Variants in MYO6 observed in about 807,000 individuals in gnomAD.
MYO6 encodes the protein unconventional myosin-VI.
In MYO6, 74 loss-of-function variants were observed where a neutral mutation model predicts 178.7. The ratio of observed to expected loss-of-function variants is 0.41; its 90% CI spans 0.34 to 0.50. MYO6 has a LOEUF of 0.50. MYO6 is among the 20% of genes least tolerant of loss of function. The pLI is 0.09. For synonymous variants in MYO6, 477 were observed against 504.6 expected, an observed-to-expected ratio of 0.95 and a Z score of 0.73; for missense variants, 1,330 against 1,547.4, an observed-to-expected ratio of 0.86 and a Z score of 2.36.
chr6:75,811,285 A>G (rs1369769481), intron 1 of MYO6, among the ~76,000 whole-genome samples: 1 of 152,150 alleles, frequency 6.6e-6, no homozygotes, highest in Non-Finnish European at 1.5e-5. Flanking sequence ...ATTCTGTAGT[A>G]TAATTTGGGT....
At chr6:75,907,835 T>G (rs1780458407) in intron 31 of MYO6, 127 bp downstream of exon 31, 4 of 724,822 alleles carry the variant, frequency 5.5e-6, no homozygotes, top group Non-Finnish European at 9.7e-6. Flanking sequence ...TATGTACATA[T>G]AATACCTATA....
At chr6:75,784,120 T>A (rs1158619880) in intron 1 of MYO6, among the ~76,000 whole-genome samples, 1 of 152,112 alleles carries the variant, frequency 6.6e-6, no homozygotes, top group Non-Finnish European at 1.5e-5. Flanking sequence ...CACAGGCGCA[T>A]GCCACCATGC....
At chr6:75,858,652 G>A (rs1006728829) in intron 13 of MYO6, among the ~76,000 whole-genome samples, 3 of 152,040 alleles carry the variant, frequency 2.0e-5, no homozygotes, top group African/African-American at 7.2e-5. Context: ...ATATCTTTTA[G>A]TATACAACAT....
intron 30 of MYO6, among the ~76,000 whole-genome samples, chr6:75,901,376 T>C (rs1779763568): frequency 6.6e-6 from 1 of 152,264 alleles, no homozygotes; most frequent in African/African-American, 2.4e-5. Context: ...ATCTTCCATT[T>C]GTTTGTATCC....
At position 75,787,122 on chromosome 6, in the gene MYO6, A is replaced by G. The variant is rs1210210306; in HGVS notation, c.-47-30379A>G. ...TTTGTAAAGATGCCTATGCAATGAC[A>G]TAGCACTACACACCCACTAGAAAGG... On this transcript the variant is annotated intron_variant, in intron 1 of 34. Transcript: ENST00000369977. Among the ~76,000 whole-genome samples, 8 of 152,352 alleles carry G rather than the reference A, an allele frequency of 5.3e-5. No individual in the cohort carries two copies. In the South Asian group the frequency reaches 1.7e-3, roughly 32 times the overall value.
intron 30 of MYO6, 34 bp from the exon 31 acceptor site, chr6:75,907,571 G>T: frequency 6.6e-7 from 1 of 1,507,544 alleles, no homozygotes; most frequent in South Asian, 1.1e-5. Flanking sequence ...TCATGTTTCT[G>T]GTTTAAACAT....
intron 29 of MYO6, among the ~76,000 whole-genome samples, chr6:75,896,339 T>C (rs9294004): frequency 0.91 from 138,237 of 152,300 alleles, 62,863 homozygotes; most frequent in Middle Eastern, 0.96. Context: ...TGCATAACTG[T>C]AGTAGAAGAC....
chr6:75,837,005 C>T (rs1227292467), intron 7 of MYO6, among the ~76,000 whole-genome samples: 1 of 152,206 alleles, frequency 6.6e-6, no homozygotes, highest in Non-Finnish European at 1.5e-5. Context: ...TCTGAGCTCA[C>T]CTGGAGTCAT....
intron 20 of MYO6, 124 bp from the exon 21 acceptor site, chr6:75,879,696 A>G (rs13207967): frequency 3.6e-5 from 46 of 1,291,506 alleles, no homozygotes; most frequent in Non-Finnish European, 4.7e-5. Flanking sequence ...TATAATATTT[A>G]GTTGCTGATA....
intron 7 of MYO6, among the ~76,000 whole-genome samples, chr6:75,838,180 G>A (rs931465251): frequency 1.1e-4 from 17 of 151,814 alleles, no homozygotes; most frequent in Admixed American, 1.1e-3. Flanking sequence ...ATCCTACCGA[G>A]TAGCTGGGAT....
intron 25 of MYO6, among the ~76,000 whole-genome samples, chr6:75,888,699 T>C (rs1778662693): frequency 6.6e-6 from 1 of 152,168 alleles, no homozygotes; most frequent in African/African-American, 2.4e-5. Flanking sequence ...TACAGTATAA[T>C]TTTACTTGTT....
intron 1 of MYO6, among the ~76,000 whole-genome samples, chr6:75,778,767 A>C (rs1320481989): frequency 1.3e-5 from 2 of 151,926 alleles, no homozygotes; most frequent in Admixed American, 6.6e-5. Flanking sequence ...ACTTAAAAAA[A>C]AAATGGAGGC....
intron 30 of MYO6, among the ~76,000 whole-genome samples, chr6:75,906,717 A>G (rs1780359346): frequency 6.6e-6 from 1 of 152,094 alleles, no homozygotes; most frequent in African/African-American, 2.4e-5. Context: ...CGCAAAACCA[A>G]AAAAGCAGGC....
chr6:75,853,547 A>G (rs981047557), intron 11 of MYO6, among the ~76,000 whole-genome samples: 2 of 152,122 alleles, frequency 1.3e-5, no homozygotes, highest in African/African-American at 4.8e-5. Flanking sequence ...ATTCTTTTGC[A>G]TGTGGACATC....
At chr6:75,835,986 G>T in intron 7 of MYO6, 30 bp downstream of exon 7, 1 of 1,486,088 alleles carries the variant, frequency 6.7e-7, no homozygotes, top group Non-Finnish European at 9.4e-7. Context: ...TGTTACGCGT[G>T]TACTGAAATT....
chr6:75,850,723 A>G (rs1257049226), intron 11 of MYO6, among the ~76,000 whole-genome samples: 1 of 152,214 alleles, frequency 6.6e-6, no homozygotes, highest in Non-Finnish European at 1.5e-5. Flanking sequence ...TTCGTGTCTT[A>G]GTTTCCTCAC....
intron 1 of MYO6, among the ~76,000 whole-genome samples, chr6:75,777,576 C>T (rs888231575): frequency 1.3e-5 from 2 of 151,778 alleles, no homozygotes; most frequent in Non-Finnish European, 2.9e-5. Flanking sequence ...TACAGGTATG[C>T]GCCACCACAC....
chr6:75,873,940 C>T (rs1376999846), intron 20 of MYO6, among the ~76,000 whole-genome samples: 2 of 152,100 alleles, frequency 1.3e-5, no homozygotes, highest in Admixed American at 6.6e-5. Context: ...TATGCCTTGC[C>T]CATCCTCCCT....
At chr6:75,850,503 CCCTT>C (rs556869785) in intron 11 of MYO6, among the ~76,000 whole-genome samples, 252 of 152,210 alleles carry the variant, frequency 1.7e-3, no homozygotes, top group African/African-American at 5.9e-3. Flanking sequence ...TGATAATTGT[CCCTT>C]CTTTCTCCCA....
Sources: allele counts gnomAD v4.1 joint callset (sites outside exome capture counted in the v4.1 genomes callset), GRCh38; gene constraint gnomAD v4.1.1; transcripts MANE v1.5; gene names NCBI Gene and HGNC (gene_info 2026-07-23, HGNC 2026-07-21).